The following CPA6 variants were observed in gnomAD, a reference collection of about 807,000 sequenced individuals.
CPA6 encodes the protein carboxypeptidase A6, also known as carboxypeptidase B.
CPA6 carries 58 observed loss-of-function variants against 63.3 expected under a neutral mutation model. That is an observed-to-expected ratio of 0.92 (90% CI 0.74 to 1.14). The LOEUF is 1.14. CPA6 is among the 50% of genes most tolerant of loss of function. The probability of loss-of-function intolerance (pLI) is 0.00; values close to 1 mark genes in which losing one functional copy is unlikely to be tolerated. For missense variants in CPA6, 565 were observed against 526.6 expected (o/e 1.07, Z -0.71); for synonymous variants, 185 against 179.0 (o/e 1.03, Z -0.27).
chr8:67,427,239 C>T (rs1057070581), intron 10 of CPA6, among the ~76,000 whole-genome samples: 1 of 152,204 alleles, frequency 6.6e-6, no homozygotes, highest in Non-Finnish European at 1.5e-5. Flanking sequence ...ATTGGTTTTA[C>T]ATACCCCCTA....
chr8:67,433,324 T>C (rs1435737405), intron 9 of CPA6, among the ~76,000 whole-genome samples: 1 of 152,214 alleles, frequency 6.6e-6, no homozygotes, highest in Non-Finnish European at 1.5e-5. Context: ...TTTTGAACTT[T>C]ATAGGCTTTT....
intron 2 of CPA6, among the ~76,000 whole-genome samples, chr8:67,562,616 G>A (rs1035685400): frequency 1.3e-5 from 2 of 152,174 alleles, no homozygotes; most frequent in Non-Finnish European, 2.9e-5. Flanking sequence ...CTTTTAGGAG[G>A]TGACGCTTTT....
At chr8:67,443,957 T>A (rs970232382) in intron 8 of CPA6, among the ~76,000 whole-genome samples, 4 of 151,966 alleles carry the variant, frequency 2.6e-5, no homozygotes, top group Non-Finnish European at 5.9e-5. Flanking sequence ...GATAACATCT[T>A]ACCTCTCTGG....
rs376874422 is a variant in CPA6, at chr8:67,652,109, A to T, written c.117-27858T>A. ...TATGGCTGCATAGTATTCCATGGTG[A>T]ACATGTGCCACATTTTCTTAATTCA... On this transcript the variant is annotated intron_variant, in intron 1 of 10. Transcript: ENST00000297770. 3.9e-4 allele frequency among the ~76,000 whole-genome samples: 60 copies of T among 152,202 alleles called. 1 individual carries two copies. The highest frequency in any genetic ancestry group is 1.1e-3 in the African/African-American group (47 of 41,568).
At chr8:67,680,340 A>G (rs1816565709) in intron 1 of CPA6, among the ~76,000 whole-genome samples, 1 of 152,064 alleles carries the variant, frequency 6.6e-6, no homozygotes, top group African/African-American at 2.4e-5. Flanking sequence ...CATTTCTACA[A>G]AAAAATGAAG....
chr8:67,707,913 CA>C (rs35572918), intron 1 of CPA6, among the ~76,000 whole-genome samples: 1,628 of 126,834 alleles, frequency 0.013, 16 homozygotes, highest in Non-Finnish European at 0.011. Flanking sequence ...GACTCCATCT[CA>C]AAAAAAAAAA....
chr8:67,698,553 A>G (rs1201699745), intron 1 of CPA6, among the ~76,000 whole-genome samples: 1 of 152,214 alleles, frequency 6.6e-6, no homozygotes, highest in Non-Finnish European at 1.5e-5. Flanking sequence ...CTCAGTCTGT[A>G]ATTATCTTCT....
chr8:67,622,447 G>C (rs1470714852), intron 2 of CPA6, among the ~76,000 whole-genome samples: 1 of 152,180 alleles, frequency 6.6e-6, no homozygotes, highest in Non-Finnish European at 1.5e-5. Flanking sequence ...AGTGACCATG[G>C]TCTCTCTGGT....
chr8:67,436,980 T>C (rs1810173956), intron 8 of CPA6, among the ~76,000 whole-genome samples: 1 of 152,206 alleles, frequency 6.6e-6, no homozygotes, highest in Non-Finnish European at 1.5e-5. Context: ...TAGTTCATGC[T>C]GTAGGGAAGT....
chr8:67,557,251 A>T (rs186143357), intron 2 of CPA6, among the ~76,000 whole-genome samples: 8 of 152,300 alleles, frequency 5.3e-5, no homozygotes, highest in Non-Finnish European at 1.2e-4. Context: ...TTCTCAATAT[A>T]AAGGAAACTG....
intron 2 of CPA6, among the ~76,000 whole-genome samples, chr8:67,609,507 A>G (rs1051037265): frequency 1.3e-5 from 2 of 152,184 alleles, no homozygotes; most frequent in African/African-American, 4.8e-5. Context: ...TCAACGTTGA[A>G]TATATATCAT....
At chr8:67,430,530 C>A (rs536559537) in intron 9 of CPA6, among the ~76,000 whole-genome samples, 1 of 152,268 alleles carries the variant, frequency 6.6e-6, no homozygotes, top group African/African-American at 2.4e-5. Context: ...CCGAATCTTA[C>A]ATATTGATGG....
chr8:67,481,203 C>T (rs1811353566), intron 8 of CPA6, among the ~76,000 whole-genome samples: 1 of 152,136 alleles, frequency 6.6e-6, no homozygotes, highest in Admixed American at 6.5e-5. Flanking sequence ...CCTTTCTCCT[C>T]GATTTGTTCC....
intron 2 of CPA6, among the ~76,000 whole-genome samples, chr8:67,551,250 C>T (rs1300603819): frequency 1.3e-5 from 2 of 152,104 alleles, no homozygotes; most frequent in African/African-American, 4.8e-5. Context: ...CTGCATATGG[C>T]TAGCCAGCTA....
chr8:67,552,495 C>T lies in CPA6; in HGVS notation c.193-34448G>A, dbSNP rs986074635. Among the ~76,000 whole-genome samples the T allele has an allele frequency of 6.6e-5, 10 of 152,098 alleles. No individual in the cohort carries two copies. The South Asian group carries it at 1.9e-3, about 28-fold the overall frequency. ...TGAACATATTATAAAAAATGATGGC[C>T]GGGCACGGTGGCTCATGCCTGTAAT... On this transcript the variant is annotated intron_variant, in intron 2 of 10. Coordinates refer to ENST00000297770, the MANE Select transcript of CPA6 (RefSeq NM_020361.5).
intron 4 of CPA6, 141 bp downstream of exon 4, chr8:67,511,400 G>T (rs1812039500): frequency 1.6e-6 from 1 of 608,422 alleles, no homozygotes; most frequent in Admixed American, 2.5e-5. Context: ...CCATGTAAAA[G>T]CTACATATAT....
At chr8:67,738,995 A>G (rs1817865880) in intron 1 of CPA6, among the ~76,000 whole-genome samples, 2 of 152,258 alleles carry the variant, frequency 1.3e-5, no homozygotes, top group Admixed American at 1.3e-4. Flanking sequence ...GTTATAAAAC[A>G]TTAACATCCT....
chr8:67,668,258 G>A (rs1046760953), intron 1 of CPA6, among the ~76,000 whole-genome samples: 1 of 152,154 alleles, frequency 6.6e-6, no homozygotes, highest in African/African-American at 2.4e-5. Flanking sequence ...AACTTTGATA[G>A]CTTCCAATGA....
intron 2 of CPA6, among the ~76,000 whole-genome samples, chr8:67,607,368 G>A (rs748914133): frequency 6.6e-6 from 1 of 151,748 alleles, no homozygotes; most frequent in Non-Finnish European, 1.5e-5. Flanking sequence ...TGAAAGAGTA[G>A]GCGGGGTGGA....
Sources: gnomAD v4.1 joint callset for allele counts (sites outside exome capture counted in the v4.1 genomes callset) on GRCh38, gnomAD v4.1.1 for gene constraint, MANE v1.5 for transcripts, NCBI Gene and HGNC (gene_info 2026-07-23, HGNC 2026-07-21) for gene names.